ZRANB1: variants seen among roughly 807,000 people sequenced by gnomAD.
ZRANB1 encodes the protein ubiquitin thioesterase ZRANB1.
Under a neutral mutation model 80.5 loss-of-function variants are expected in ZRANB1, and 16 were observed. That is an observed-to-expected ratio of 0.20 (90% CI 0.13 to 0.30). The LOEUF (loss-of-function observed/expected upper bound fraction) is 0.30, where lower values mean the gene tolerates loss of function less well. Ranked by LOEUF, ZRANB1 falls within the 10% of genes least tolerant of loss-of-function variation. The pLI is 1.00. For missense variants in ZRANB1, 576 were observed against 862.6 expected, an observed-to-expected ratio of 0.67 and a Z score of 4.16; for synonymous variants, 291 against 293.1, an observed-to-expected ratio of 0.99 and a Z score of 0.07.
intron 1 of ZRANB1, among the ~76,000 whole-genome samples, chr10:124,952,488 T>C (rs771074360): frequency 3.3e-5 from 5 of 152,268 alleles, no homozygotes; most frequent in Admixed American, 6.5e-5. Context: ...AGAGCCTTGC[T>C]GAACTTCTGA....
Position 124,986,331 on chromosome 10 carries a change from C to A in ZRANB1, c.*1339C>A. 6.7e-6 allele frequency: 1 copy of A among 149,346 alleles called. No homozygotes were observed. Among genetic ancestry groups the A allele is most frequent in the South Asian group, 2.1e-4 (1 of 4,824 alleles). 9.3% of individuals were successfully genotyped at this position (149,346 alleles called of 1,614,324 possible). On this transcript the variant is annotated 3_prime_UTR_variant, in exon 9 of 9. Coordinates refer to ENST00000359653, the MANE Select transcript of ZRANB1 (RefSeq NM_017580.3). ...CACACACACACACACACAGTTTTTT[C>A]CTTCCCTGTGATGAAAAAGGCTGTG...
chr10:124,955,252 T>C (rs1951679913), intron 1 of ZRANB1, among the ~76,000 whole-genome samples: 1 of 152,050 alleles, frequency 6.6e-6, no homozygotes, highest in South Asian at 2.1e-4. Flanking sequence ...TTGTTTGTTT[T>C]TGAAACAGGG....
At chr10:124,944,562 T>C (rs943881165) in intron 1 of ZRANB1, among the ~76,000 whole-genome samples, 5 of 126,986 alleles carry the variant, frequency 3.9e-5, no homozygotes, top group African/African-American at 1.2e-4. Flanking sequence ...CATGGCTCAC[T>C]GCAGCCTCAA....
the ZRANB1 span, among the ~76,000 whole-genome samples, chr10:124,930,629 C>T: frequency 1.3e-5 from 2 of 152,208 alleles, no homozygotes; most frequent in East Asian, 3.9e-4. Context: ...GTGGTTTTTC[C>T]ATAGTAAAGT....
Position 124,985,793 on chromosome 10 carries a change from C to CAA in ZRANB1, c.*802_*803dup, listed in dbSNP as rs989046902. ...GTTTTTTTCCTGGATGAAAAGGGAG[C>CAA]AAGCCCACTTGTCACTAAATGAATT... On this transcript the variant is annotated 3_prime_UTR_variant, in exon 9 of 9. Transcript: ENST00000359653. 1.1e-4 allele frequency: 16 copies of CAA among 152,302 alleles called. No individual in the cohort carries two copies. Among genetic ancestry groups the CAA allele is most frequent in the African/African-American group, 3.9e-4 (16 of 41,556 alleles). The allele number at this position is 152,302 out of a possible 1,614,324, so 9.4% of individuals were successfully genotyped here.
the ZRANB1 span, among the ~76,000 whole-genome samples, chr10:124,923,770 AACTC>A: frequency 2.0e-5 from 3 of 151,694 alleles, no homozygotes; most frequent in East Asian, 3.9e-4. Context: ...ATCTCCTGAG[AACTC>A]ACTCAGTATC....
chr10:124,934,026 A>G, the ZRANB1 span, among the ~76,000 whole-genome samples: 1 of 152,222 alleles, frequency 6.6e-6, no homozygotes, highest in Non-Finnish European at 1.5e-5. Flanking sequence ...GGTTTAAAAG[A>G]AAACAAGACC....
rs1564975417 is a variant in ZRANB1, at chr10:124,987,948, T to C, written c.*2956T>C. On this transcript the variant is annotated 3_prime_UTR_variant, in exon 9 of 9. Transcript: ENST00000359653. The stretch of plus-strand genomic sequence containing the variant: ...TTGCAACACTTCTTTGTAAATATCA[T>C]TTTGTTTGTTAGGTTATTGGCAAAA... 2 of 152,504 alleles carry C rather than the reference T, an allele frequency of 1.3e-5. No individual in the cohort carries two copies. Among genetic ancestry groups the C allele is most frequent in the African/African-American group, 4.8e-5 (2 of 41,452 alleles). The allele number at this position is 152,504 out of a possible 1,614,324, so 9.4% of individuals were successfully genotyped here.
intron 1 of ZRANB1, among the ~76,000 whole-genome samples, chr10:124,946,665 G>T (rs1251478473): frequency 6.6e-6 from 1 of 152,036 alleles, no homozygotes; most frequent in Non-Finnish European, 1.5e-5. Context: ...ACTGTTATAC[G>T]TAAGGTTATA....
chr10:124,930,070 G>A, the ZRANB1 span, among the ~76,000 whole-genome samples: 1 of 152,052 alleles, frequency 6.6e-6, no homozygotes, highest in African/African-American at 2.4e-5. Context: ...TCAAGCTGGC[G>A]AGTGTTCGTG....
rs777935576 is a variant in ZRANB1 at position 124,984,838 on chromosome 10, G to C, written c.1973G>C (p.Gly658Ala). 6.2e-7 allele frequency: 1 copy of C among 1,613,916 alleles called. No individual in the cohort carries two copies. The highest frequency in any genetic ancestry group is 1.7e-5 in the Admixed American group (1 of 59,992). Reference sequence around the variant, plus strand: ...TGGCTGGACTGCTGTGTGACGGAGGGGGGAGTTCTGGTTGCCATGCAGAAG... The same window carrying C: ...TGGCTGGACTGCTGTGTGACGGAGGCGGGAGTTCTGGTTGCCATGCAGAAG... Reference protein sequence around the residue: ...REWLDCCVTEGGVLVAMQKSS... With the variant: ...REWLDCCVTEAGVLVAMQKSS... Residue 658 changes from glycine to alanine, a missense_variant, in exon 9 of 9, where the codon GGG (glycine) becomes GCG (alanine). This residue lies in a region of ZRANB1 where 152 missense variants were observed against 221.9 expected (regional missense o/e 0.69). Coordinates refer to ENST00000359653, the MANE Select transcript of ZRANB1 (RefSeq NM_017580.3).
rs533822086 is a variant in ZRANB1, at chr10:124,987,611, A to AG, written c.*2621dup. On this transcript the variant is annotated 3_prime_UTR_variant, in exon 9 of 9. Coordinates refer to ENST00000359653, the MANE Select transcript of ZRANB1 (RefSeq NM_017580.3). ...CTACCTTTTTGTTCCCTGGGGTAAT[A>AG]GGTCAGTAACTATGAGCGCCGTCTC... 1.3e-5 allele frequency: 2 copies of AG among 152,104 alleles called. No individual in the cohort carries two copies. Among genetic ancestry groups the AG allele is most frequent in the African/African-American group, 4.8e-5 (2 of 41,408 alleles). The allele number at this position is 152,104 out of a possible 1,614,324, so 9.4% of individuals were successfully genotyped here. A position where few individuals can be genotyped will look rare whatever the true frequency, so the allele number is the denominator to read the frequency against.
chr10:124,970,911 C>G (rs1362025919), intron 2 of ZRANB1, among the ~76,000 whole-genome samples: 1 of 139,370 alleles, frequency 7.2e-6, no homozygotes, highest in East Asian at 2.3e-4. Flanking sequence ...GTTCTCAGCT[C>G]ATTTCAACTT....
upstream of ZRANB1, chr10:124,940,613 TAGC>T (rs777656753): frequency 3.0e-4 from 326 of 1,074,742 alleles, 1 homozygote; most frequent in Non-Finnish European, 3.7e-4. Flanking sequence ...TTTTTCTTCT[TAGC>T]AGAGTTCACA....
intron 1 of ZRANB1, among the ~76,000 whole-genome samples, chr10:124,947,262 G>A (rs1472154070): frequency 6.6e-6 from 1 of 152,196 alleles, no homozygotes; most frequent in Non-Finnish European, 1.5e-5. Context: ...ATGTACAGTT[G>A]TCTCTGGAAT....
intron 2 of ZRANB1, 126 bp downstream of exon 2, chr10:124,966,907 T>A (rs2134282564): frequency 1.2e-6 from 1 of 848,054 alleles, no homozygotes; most frequent in Non-Finnish European, 1.8e-6. Context: ...TACCCCCTTT[T>A]AAAAATAACA....
chr10:124,941,503 C>T (rs1951536247), upstream of ZRANB1, among the ~76,000 whole-genome samples: 1 of 152,022 alleles, frequency 6.6e-6, no homozygotes, highest in Admixed American at 6.6e-5. Flanking sequence ...CAGGCACCTA[C>T]CACCATGCAC....
At chr10:124,972,858 G>T (rs776496286) in intron 3 of ZRANB1, among the ~76,000 whole-genome samples, 40 of 151,344 alleles carry the variant, frequency 2.6e-4, no homozygotes, top group Non-Finnish European at 5.3e-4. Context: ...AGCTTACTGC[G>T]CCTTCAACTT....
At chr10:124,954,311 C>T (rs1054824706) in intron 1 of ZRANB1, among the ~76,000 whole-genome samples, 23 of 151,404 alleles carry the variant, frequency 1.5e-4, no homozygotes, top group African/African-American at 4.9e-4. Context: ...CATTGTTTTA[C>T]GTATGAATGG....
Sources: gnomAD v4.1 joint callset for allele counts (sites outside exome capture counted in the v4.1 genomes callset) on GRCh38, gnomAD v4.1.1 for gene constraint, gnomAD v4.1.1 regional missense constraint, MANE v1.5 for transcripts, NCBI Gene and HGNC (gene_info 2026-07-23, HGNC 2026-07-21) for gene names.